MCTP1: variants seen among roughly 807,000 people sequenced by gnomAD.
MCTP1 encodes the protein multiple C2 and transmembrane domain containing 1.
In MCTP1, 69 loss-of-function variants were observed where a neutral mutation model predicts 120.6. The ratio of observed to expected loss-of-function variants is 0.57; its 90% CI spans 0.47 to 0.70. The LOEUF (loss-of-function observed/expected upper bound fraction) is 0.70. Among genes scored for constraint, MCTP1 ranks in the 30% least tolerant of loss-of-function variants. The probability of loss-of-function intolerance (pLI) is 0.00; values close to 1 mark genes in which losing one functional copy is unlikely to be tolerated. For missense variants in MCTP1, 1,203 were observed against 1,248.8 expected (o/e 0.96, Z 0.55); for synonymous variants, 529 against 493.1 (o/e 1.07, Z -0.96).
rs535083822 is a variant in MCTP1 at position 94,898,336 on chromosome 5, T to C, written c.1653-3501A>G. 3.2e-4 allele frequency among the ~76,000 whole-genome samples: 48 copies of C among 152,380 alleles called. 1 individual carries two copies. Among genetic ancestry groups the C allele is most frequent in the African/African-American group, 1.1e-3 (46 of 41,594 alleles). On this transcript the variant is annotated intron_variant, in intron 10 of 22. Transcript: ENST00000515393. ...GAGTAAGATGCCATTTTAAATGAAG[T>C]GTCACCTGTAACTAAGCAAAGTTTT...
At chr5:95,158,962 T>G (rs991062123) in intron 1 of MCTP1, among the ~76,000 whole-genome samples, 67 of 152,196 alleles carry the variant, frequency 4.4e-4, no homozygotes, top group Non-Finnish European at 7.6e-4. Flanking sequence ...ATTTCTTAAT[T>G]TTTTTATGGT....
chr5:95,176,115 T>C (rs1747943345), intron 1 of MCTP1, among the ~76,000 whole-genome samples: 1 of 152,148 alleles, frequency 6.6e-6, no homozygotes, highest in African/African-American at 2.4e-5. Context: ...ATGAGCTACT[T>C]GATGTGAAAG....
chr5:95,031,218 A>T lies in MCTP1; in HGVS notation c.721-13734T>A, dbSNP rs148184615. ...ACTCAGAAAACTTATTTCAGGGACT[A>T]GTTCAAGAAAATTTTCCTAATCTTG... On this transcript the variant is annotated intron_variant, in intron 1 of 22. Coordinates refer to ENST00000515393, the MANE Select transcript of MCTP1 (RefSeq NM_024717.7). 5.4e-3 allele frequency among the ~76,000 whole-genome samples: 820 copies of T among 152,274 alleles called. 6 individuals are homozygous for T. The highest frequency in any genetic ancestry group is 0.019 in the African/African-American group (787 of 41,568).
At chr5:95,003,269 G>C (rs1042197001) in intron 2 of MCTP1, among the ~76,000 whole-genome samples, 4 of 152,042 alleles carry the variant, frequency 2.6e-5, no homozygotes, top group African/African-American at 9.7e-5. Context: ...TATTTCTACT[G>C]TACCTTTTCT....
chr5:95,075,718 C>T (rs754341750), intron 1 of MCTP1, among the ~76,000 whole-genome samples: 6 of 152,106 alleles, frequency 3.9e-5, no homozygotes, highest in South Asian at 4.1e-4. Context: ...GATAATTTTA[C>T]GTAAAAGTTT....
At chr5:95,228,400 G>T (rs898256086) in intron 1 of MCTP1, among the ~76,000 whole-genome samples, 1 of 150,210 alleles carries the variant, frequency 6.7e-6, no homozygotes, top group Admixed American at 6.7e-5. Context: ...AGAGAGAAAC[G>T]TAAAAGTTAT....
In MCTP1 at chr5:94,790,068, G is replaced by A. The variant is rs1352443938; in HGVS notation, c.2556+8945C>T. 2.0e-5 allele frequency among the ~76,000 whole-genome samples: 3 copies of A among 152,266 alleles called. No individual in the cohort carries two copies. In the East Asian group the frequency reaches 5.8e-4, roughly 29 times the overall value. On this transcript the variant is annotated intron_variant, in intron 18 of 22. Coordinates refer to ENST00000515393, the MANE Select transcript of MCTP1 (RefSeq NM_024717.7). ...TGAGCCAGTTATGATAATATACTGA[G>A]AGTGTTGTGATTTTTATTGTTATGA...
At chr5:95,150,259 T>C (rs1471878409) in intron 1 of MCTP1, among the ~76,000 whole-genome samples, 1 of 152,258 alleles carries the variant, frequency 6.6e-6, no homozygotes, top group Non-Finnish European at 1.5e-5. Context: ...GTTATAAGCA[T>C]CTTTACTTTA....
intron 1 of MCTP1, among the ~76,000 whole-genome samples, chr5:95,236,537 C>G (rs1275837858): frequency 6.6e-6 from 1 of 152,066 alleles, no homozygotes; most frequent in Non-Finnish European, 1.5e-5. Context: ...TATGCTTATC[C>G]CCAGGAGGTC....
chr5:95,184,165 T>TAAA (rs1748937147), intron 1 of MCTP1, among the ~76,000 whole-genome samples: 1 of 151,588 alleles, frequency 6.6e-6, no homozygotes, highest in Admixed American at 6.6e-5. Context: ...ATAATAATAA[T>TAAA]AAAAAAAGGA....
At chr5:95,068,894 G>A (rs1751377865) in intron 1 of MCTP1, 1 of 942,208 alleles carries the variant, frequency 1.1e-6, no homozygotes, top group Non-Finnish European at 1.4e-6. Flanking sequence ...AATATCAATA[G>A]TAGTTTTTTA....
chr5:95,017,529 T>C (rs771008777), intron 1 of MCTP1, 45 bp from the exon 2 acceptor site: 39 of 1,172,734 alleles, frequency 3.3e-5, no homozygotes, highest in Non-Finnish European at 4.6e-5. Context: ...ATTATCTCTG[T>C]TCTATTTTCT....
At chr5:94,871,242 GTTTTC>G (rs1174178124) in intron 14 of MCTP1, 68 bp downstream of exon 14, 89 of 986,152 alleles carry the variant, frequency 9.0e-5, no homozygotes, top group Admixed American at 1.2e-4. Context: ...AGAGCTGAGA[GTTTTC>G]TTTTCTTTTT....
intron 1 of MCTP1, among the ~76,000 whole-genome samples, chr5:95,021,440 A>G (rs559526184): frequency 1.3e-5 from 2 of 152,024 alleles, no homozygotes; most frequent in Non-Finnish European, 2.9e-5. Flanking sequence ...GATATTAAGT[A>G]TTTTCCTTTA....
chr5:95,053,593 T>A (rs1190187771), intron 1 of MCTP1, among the ~76,000 whole-genome samples: 1 of 152,168 alleles, frequency 6.6e-6, no homozygotes, highest in Non-Finnish European at 1.5e-5. Flanking sequence ...AGCTCCAATC[T>A]ATATTATTTG....
intron 1 of MCTP1, among the ~76,000 whole-genome samples, chr5:95,152,749 C>T (rs1045888521): frequency 6.6e-6 from 1 of 152,144 alleles, no homozygotes; most frequent in African/African-American, 2.4e-5. Flanking sequence ...ATTTATGTAA[C>T]TAATCAGATA....
chr5:94,846,429 C>A (rs1357948985), intron 17 of MCTP1, among the ~76,000 whole-genome samples: 1 of 152,092 alleles, frequency 6.6e-6, no homozygotes, highest in Non-Finnish European at 1.5e-5. Flanking sequence ...CATGTTCTCA[C>A]TTGTAAGTGG....
chr5:95,074,115 C>CAAGAAAAAA (rs1369618111), intron 1 of MCTP1, among the ~76,000 whole-genome samples: 3 of 151,862 alleles, frequency 2.0e-5, no homozygotes, highest in Non-Finnish European at 4.4e-5. Flanking sequence ...GACTCCGTCT[C>CAAGAAAAAA]AAGAAAAAAA....
At chr5:95,245,600 A>T (rs1756671248) in intron 1 of MCTP1, among the ~76,000 whole-genome samples, 1 of 151,968 alleles carries the variant, frequency 6.6e-6, no homozygotes, top group Non-Finnish European at 1.5e-5. Context: ...AAATTAATGA[A>T]ATAAAGCATG....
Sources: gnomAD v4.1 joint callset for allele counts (sites outside exome capture counted in the v4.1 genomes callset) on GRCh38, gnomAD v4.1.1 for gene constraint, MANE v1.5 for transcripts, NCBI Gene and HGNC (gene_info 2026-07-23, HGNC 2026-07-21) for gene names.